NRP1: variants seen among roughly 807,000 people sequenced by gnomAD.
NRP1 encodes neuropilin-1.
A neutral mutation model predicts 106.7 loss-of-function variants in NRP1; 35 were observed. That is an observed-to-expected ratio of 0.33 (90% CI 0.25 to 0.43). The LOEUF (loss-of-function observed/expected upper bound fraction) is 0.43. Ranked by LOEUF, NRP1 falls within the 20% of genes least tolerant of loss-of-function variation. The probability of loss-of-function intolerance (pLI) is 1.00; values close to 1 mark genes in which losing one functional copy is unlikely to be tolerated. For missense variants in NRP1, 1,024 were observed against 1,170.4 expected (o/e 0.87, Z 1.83); for synonymous variants, 437 against 417.9 (o/e 1.05, Z -0.56).
At chr10:33,185,583 C>A in intron 15 of NRP1, 45 bp downstream of exon 15, 1 of 1,435,836 alleles carries the variant, frequency 7.0e-7, no homozygotes, top group Non-Finnish European at 9.8e-7. Context: ...AAGAGTCTTG[C>A]CCTGGGCAAG....
chr10:33,297,746 A>G (rs1043264942), intron 2 of NRP1, among the ~76,000 whole-genome samples: 2 of 151,358 alleles, frequency 1.3e-5, no homozygotes, highest in Non-Finnish European at 2.9e-5. Context: ...TCCTTCAAAC[A>G]CTTTGAGGTT....
intron 2 of NRP1, among the ~76,000 whole-genome samples, chr10:33,291,505 G>C (rs1235682007): frequency 6.6e-6 from 1 of 152,216 alleles, no homozygotes; most frequent in Non-Finnish European, 1.5e-5. Flanking sequence ...TTGGAGACAA[G>C]ACTTTTCCAG....
Position 33,202,935 on chromosome 10 carries a change from T to C in NRP1, c.1820A>G (p.Gln607Arg), listed in dbSNP as rs1430430503. The change falls in exon 11 of 17, where the codon CAG (glutamine) becomes CGG (arginine). Residue 607 changes from glutamine (Q) to arginine (R), a missense_variant. Gln to Arg is a conservative substitution (Grantham distance 43). Transcript: ENST00000374867. ...GNLVDECDDD[Q>R]ANCHSGTGDD... Reference sequence around the variant, plus strand: ...ACCTGTTCCACTGTGGCAGTTGGCCTGGTCGTCATCACATTCATCCACCAA... The same window carrying C: ...ACCTGTTCCACTGTGGCAGTTGGCCCGGTCGTCATCACATTCATCCACCAA... 6.2e-7 allele frequency: 1 copy of C among 1,614,234 alleles called. No homozygotes were observed. The highest frequency in any genetic ancestry group is 2.2e-5 in the East Asian group (1 of 44,880).
At chr10:33,261,615 A>G (rs927272968) in intron 4 of NRP1, among the ~76,000 whole-genome samples, 4 of 152,242 alleles carry the variant, frequency 2.6e-5, no homozygotes, top group Admixed American at 6.5e-5. Context: ...TTCCAATGGC[A>G]ATATAAGGCT....
chr10:33,300,961 G>A (rs561166287), intron 2 of NRP1, among the ~76,000 whole-genome samples: 12 of 152,268 alleles, frequency 7.9e-5, no homozygotes, highest in African/African-American at 2.6e-4. Context: ...CAACATTGGC[G>A]AAATAAACTT....
At chr10:33,223,148 C>T (rs533816217) in intron 7 of NRP1, among the ~76,000 whole-genome samples, 84 of 152,298 alleles carry the variant, frequency 5.5e-4, no homozygotes, top group African/African-American at 1.8e-3. Flanking sequence ...TGGAGCATCA[C>T]GGGGCTCACT....
rs74951878 is a variant in NRP1, at chr10:33,178,735, C to T, written c.*1341G>A. The T allele has an allele frequency of 6.6e-6, 1 of 152,492 alleles. No homozygotes were observed. Among genetic ancestry groups the T allele is most frequent in the Admixed American group, 6.6e-5 (1 of 15,266 alleles). 9.4% of individuals were successfully genotyped at this position (152,492 alleles called of 1,614,324 possible). A position where few individuals can be genotyped will look rare whatever the true frequency, so the allele number is the denominator to read the frequency against. On this transcript the variant is annotated 3_prime_UTR_variant, in exon 17 of 17. Transcript: ENST00000374867. ...GAAAGCCAATTTGTATTATTTCTTT[C>T]CTCAACTTATCACTATTTCTACTAA...
intron 6 of NRP1, among the ~76,000 whole-genome samples, chr10:33,237,487 G>GCGCGCGCA (rs1554788780): frequency 0.018 from 2,544 of 144,826 alleles, 30 homozygotes; most frequent in African/African-American, 0.033. Context: ...ACATGCGCGC[G>GCGCGCGCA]CACACACACA....
intron 16 of NRP1, among the ~76,000 whole-genome samples, chr10:33,181,823 G>A (rs1835705360): frequency 6.6e-6 from 1 of 152,202 alleles, no homozygotes; most frequent in Admixed American, 6.5e-5. Flanking sequence ...ATGTAGGACG[G>A]GTGCAGTGGC....
At chr10:33,212,998 A>G in intron 9 of NRP1, 1 of 528,994 alleles carries the variant, frequency 1.9e-6, no homozygotes, top group Non-Finnish European at 3.3e-6. Flanking sequence ...AAAGAAACAA[A>G]GCACTTAAAC....
intron 2 of NRP1, among the ~76,000 whole-genome samples, chr10:33,294,374 T>C (rs973748639): frequency 6.6e-6 from 1 of 152,148 alleles, no homozygotes; most frequent in East Asian, 1.9e-4. Flanking sequence ...TCCCAGCACT[T>C]TGGGAGGCCG....
At chr10:33,292,383 C>T (rs1845059772) in intron 2 of NRP1, among the ~76,000 whole-genome samples, 1 of 152,132 alleles carries the variant, frequency 6.6e-6, no homozygotes, top group Non-Finnish European at 1.5e-5. Context: ...TGATTGTAGG[C>T]CCTCTTATCT....
Position 33,186,207 on chromosome 10 carries a change from G to A in NRP1, c.2334+10C>T. The A allele has an allele frequency of 1.3e-6, 2 of 1,571,506 alleles. No individual in the cohort carries two copies. Among genetic ancestry groups the A allele is most frequent in the African/African-American group, 1.3e-5 (1 of 74,204 alleles). On this transcript the variant is annotated intron_variant, in intron 14 of 16. Coordinates refer to ENST00000374867, the MANE Select transcript of NRP1 (RefSeq NM_003873.7). ...CCACTGCCCTCCCCAGCCTTGGGAA[G>A]AGGTCATACCTGATAAAGTTTCAGA...
intron 2 of NRP1, among the ~76,000 whole-genome samples, chr10:33,293,893 C>T (rs762420939): frequency 1.3e-5 from 2 of 152,192 alleles, no homozygotes; most frequent in African/African-American, 2.4e-5. Context: ...CCATACTCAA[C>T]GTGAATTCTT....
chr10:33,271,876 G>C (rs1843333210), intron 2 of NRP1, among the ~76,000 whole-genome samples: 1 of 152,180 alleles, frequency 6.6e-6, no homozygotes, highest in Admixed American at 6.5e-5. Flanking sequence ...TCACCTAGGA[G>C]CAAGAGAATC....
chr10:33,196,885 G>A (rs1836823987), intron 12 of NRP1, among the ~76,000 whole-genome samples: 1 of 152,124 alleles, frequency 6.6e-6, no homozygotes, highest in Non-Finnish European at 1.5e-5. Flanking sequence ...AGAGGAAATG[G>A]GAGAAAGCTG....
intron 15 of NRP1, among the ~76,000 whole-genome samples, chr10:33,184,470 C>T (rs904096775): frequency 1.8e-4 from 28 of 152,180 alleles, no homozygotes; most frequent in African/African-American, 6.0e-4. Context: ...GTTCTCACAT[C>T]CCAAAACATC....
intron 8 of NRP1, among the ~76,000 whole-genome samples, chr10:33,219,680 T>G (rs951432646): frequency 3.9e-5 from 6 of 152,248 alleles, no homozygotes; most frequent in Non-Finnish European, 8.8e-5. Context: ...GGGAAATCCT[T>G]GTGAAAATTA....
chr10:33,202,570 G>T (rs755174023), intron 11 of NRP1: 7 of 1,411,180 alleles, frequency 5.0e-6, no homozygotes, highest in South Asian at 3.0e-5. Flanking sequence ...GTGTTATTGG[G>T]GGGGGGTCTG....
Sources: allele counts gnomAD v4.1 joint callset (sites outside exome capture counted in the v4.1 genomes callset), GRCh38; gene constraint gnomAD v4.1.1; transcripts MANE v1.5; gene names NCBI Gene and HGNC (gene_info 2026-07-23, HGNC 2026-07-21).